TEAD4: variants seen among roughly 807,000 people sequenced by gnomAD.
The protein encoded by TEAD4 is TEA domain transcription factor 4.
In TEAD4, 36 loss-of-function variants were observed where a neutral mutation model predicts 52.4. The ratio of observed to expected loss-of-function variants is 0.69; its 90% CI spans 0.53 to 0.91. The LOEUF (loss-of-function observed/expected upper bound fraction) is 0.91. Among genes scored for constraint, TEAD4 ranks in the 40% least tolerant of loss-of-function variants. The pLI is 0.00. For synonymous variants in TEAD4, 220 were observed against 231.0 expected (o/e 0.95, Z 0.43); for missense variants, 508 against 583.9 (o/e 0.87, Z 1.34).
chr12:2,994,182 C>T lies in TEAD4; in HGVS notation c.-29-556C>T, dbSNP rs991796727. On this transcript the variant is annotated intron_variant, in intron 2 of 12. Coordinates refer to ENST00000359864, the MANE Select transcript of TEAD4 (RefSeq NM_003213.4). The surrounding 1 kb of genome is among the most constrained non-coding windows in gnomAD (Gnocchi z 4.7). ...CTCTGCTTCTCGGATTCAAGCGATT[C>T]TCCTTGTCTGAGCCTCCCGAGTAGC... 2.4e-4 allele frequency among the ~76,000 whole-genome samples: 36 copies of T among 152,146 alleles called. No homozygotes were observed. The highest frequency in any genetic ancestry group is 2.9e-5 in the Non-Finnish European group (2 of 68,028).
chr12:3,024,211 A>C (rs984295972), intron 10 of TEAD4, among the ~76,000 whole-genome samples: 2 of 151,994 alleles, frequency 1.3e-5, no homozygotes, highest in African/African-American at 4.8e-5. Flanking sequence ...AGTAGCTGGG[A>C]CTACAGGCAC....
chr12:2,964,258 C>A (rs2153952116), intron 2 of TEAD4, among the ~76,000 whole-genome samples: 1 of 152,340 alleles, frequency 6.6e-6, no homozygotes, highest in Non-Finnish European at 1.5e-5. Context: ...TCTTCCCCTT[C>A]CCCTCAAGCC....
intron 2 of TEAD4, among the ~76,000 whole-genome samples, chr12:2,978,336 C>G (rs974669893): frequency 6.6e-6 from 1 of 151,780 alleles, no homozygotes; most frequent in Non-Finnish European, 1.5e-5. Context: ...TTTTCATCTT[C>G]CGAAACTGAA....
At chr12:3,029,697 G>A (rs1184087723) in intron 10 of TEAD4, among the ~76,000 whole-genome samples, 1 of 152,068 alleles carries the variant, frequency 6.6e-6, no homozygotes, top group Non-Finnish European at 1.5e-5. Flanking sequence ...CACATTCCTA[G>A]TAGTGTCCTT....
In TEAD4 at chr12:2,994,200, C is replaced by T. The variant is rs774314201; in HGVS notation, c.-29-538C>T. Among the ~76,000 whole-genome samples the T allele has an allele frequency of 6.6e-6, 1 of 152,000 alleles. No individual in the cohort carries two copies. Among genetic ancestry groups the T allele is most frequent in the Non-Finnish European group, 1.5e-5 (1 of 67,996 alleles). ...AGCGATTCTCCTTGTCTGAGCCTCCCGAGTAGCTGTGATTACAGGTGCCCG... is the reference window on the plus strand; with the variant it reads ...AGCGATTCTCCTTGTCTGAGCCTCCTGAGTAGCTGTGATTACAGGTGCCCG... On this transcript the variant is annotated intron_variant, in intron 2 of 12. Coordinates refer to ENST00000359864, the MANE Select transcript of TEAD4 (RefSeq NM_003213.4). The surrounding 1 kb of genome is among the most constrained non-coding windows in gnomAD (Gnocchi z 4.7).
chr12:2,965,264 A>G (rs760868148), intron 2 of TEAD4, among the ~76,000 whole-genome samples: 9 of 151,898 alleles, frequency 5.9e-5, no homozygotes, highest in Non-Finnish European at 1.2e-4. Flanking sequence ...GGCTCAAGCA[A>G]TCCTCATTGC....
At position 3,022,022 on chromosome 12, in the gene TEAD4, G is replaced by A. The variant is rs1461391642; in HGVS notation, c.897+5G>A. 2 of 1,613,882 alleles carry A rather than the reference G, an allele frequency of 1.2e-6. No homozygotes were observed. Among genetic ancestry groups the A allele is most frequent in the Admixed American group, 1.7e-5 (1 of 60,012 alleles). ...TTTTTTCTTGTGAAGTTCTGGGTAA[G>A]CCTGTGATAACCCCTTCTTTCCTGC... is the stretch of plus-strand genomic sequence containing the variant. On this transcript the variant is annotated splice_donor_5th_base_variant and intron_variant, in intron 10 of 12. Coordinates refer to ENST00000359864, the MANE Select transcript of TEAD4 (RefSeq NM_003213.4).
intron 5 of TEAD4, among the ~76,000 whole-genome samples, chr12:3,015,995 G>A (rs867772207): frequency 1.3e-5 from 2 of 151,958 alleles, no homozygotes; most frequent in African/African-American, 4.8e-5. Flanking sequence ...GGGCTAATGA[G>A]ATGCTGTCTG....
chr12:3,020,952 C>G (rs2098268294), intron 9 of TEAD4, among the ~76,000 whole-genome samples, 179 bp downstream of exon 9: 1 of 152,164 alleles, frequency 6.6e-6, no homozygotes, highest in Non-Finnish European at 1.5e-5. Context: ...CCCCTCTTCC[C>G]TCTTTCCCTC....
At chr12:2,993,840 G>A (rs534059490) in intron 2 of TEAD4, among the ~76,000 whole-genome samples, 1 of 152,240 alleles carries the variant, frequency 6.6e-6, no homozygotes, top group Admixed American at 6.5e-5. Context: ...TTTTGTAACT[G>A]GCGTGTTTCA....
intron 2 of TEAD4, among the ~76,000 whole-genome samples, chr12:2,970,617 G>A (rs897095185): frequency 6.6e-6 from 1 of 152,190 alleles, no homozygotes; most frequent in South Asian, 2.1e-4. Flanking sequence ...GATAGTCCAC[G>A]TTTGTACTGT....
Position 3,006,152 on chromosome 12 carries a change from G to A in TEAD4, c.227-4852G>A, listed in dbSNP as rs185577774. Among the ~76,000 whole-genome samples the A allele has an allele frequency of 3.3e-5, 5 of 152,230 alleles. No individual in the cohort carries two copies. The East Asian group carries it at 9.7e-4, about 29-fold the overall frequency. ...CATCACTTTGTACCCCATAAATACA[G>A]GTTGAGCATCCCAAATCTGAAAATT... On this transcript the variant is annotated intron_variant, in intron 3 of 12. Transcript: ENST00000359864.
intron 10 of TEAD4, among the ~76,000 whole-genome samples, chr12:3,032,798 G>T (rs72653445): frequency 6.6e-6 from 1 of 152,198 alleles, no homozygotes; most frequent in East Asian, 1.9e-4. Context: ...TCCCTCCTCC[G>T]CATGTGTGGG....
At position 3,040,513 on chromosome 12, in the gene TEAD4, G is replaced by A. The variant is rs1164132826; in HGVS notation, c.*35G>A. ...GGAGCAGGGAGGGGGGAAGAGACGT[G>A]TGTGCAGGAAACGGGGACGTGGGGA... On this transcript the variant is annotated 3_prime_UTR_variant, in exon 13 of 13. Coordinates refer to ENST00000359864, the MANE Select transcript of TEAD4 (RefSeq NM_003213.4). The A allele has an allele frequency of 5.6e-6, 9 of 1,598,148 alleles. No individual in the cohort carries two copies. Among genetic ancestry groups the A allele is most frequent in the Non-Finnish European group, 6.9e-6 (8 of 1,167,194 alleles).
At chr12:2,997,805 C>CGGGG (rs61027088) in intron 3 of TEAD4, among the ~76,000 whole-genome samples, 1 of 121,258 alleles carries the variant, frequency 8.2e-6, no homozygotes, top group African/African-American at 3.0e-5. Flanking sequence ...CTTGCTTTTT[C>CGGGG]GGGGGGGGGG....
intron 10 of TEAD4, among the ~76,000 whole-genome samples, chr12:3,034,398 A>C: frequency 6.6e-6 from 1 of 152,122 alleles, no homozygotes; most frequent in Admixed American, 6.5e-5. Context: ...CACCCTACTA[A>C]GGCCCTGGGA....
In TEAD4 at chr12:3,012,506, G is replaced by A. The variant is rs535947374; in HGVS notation, c.354+274G>A. Among the ~76,000 whole-genome samples, 12 of 152,282 alleles carry A rather than the reference G, an allele frequency of 7.9e-5. No individual in the cohort carries two copies. The South Asian group carries it at 2.3e-3, about 29-fold the overall frequency. ...TGCTTAGAGGGGCTCACACGGCTCA[G>A]AGCAGCCGGATCACCCACCAGCCCT... On this transcript the variant is annotated intron_variant, in intron 5 of 12. Transcript: ENST00000359864.
At chr12:3,033,458 G>A (rs1049896941) in intron 10 of TEAD4, among the ~76,000 whole-genome samples, 38 of 152,312 alleles carry the variant, frequency 2.5e-4, no homozygotes, top group African/African-American at 8.9e-4. Context: ...GGGGCCTTTG[G>A]TGGCCATTAA....
In TEAD4 at chr12:3,020,668, C is replaced by T. The variant is rs1431611906; in HGVS notation, c.618C>T (p.Pro206=). The T allele has an allele frequency of 1.2e-6, 2 of 1,602,916 alleles. No individual in the cohort carries two copies. Among genetic ancestry groups the T allele is most frequent in the East Asian group, 2.3e-5 (1 of 44,296 alleles). The change falls in exon 9 of 13, where the codon CCC becomes CCT. Residue 206 remains proline, a synonymous_variant. Transcript: ENST00000359864. ...CTCCTGCAGGGCCCGCCCCATCGCCCTCTGCGCCCCCGGCACCCCCATGGC... is the reference window on the plus strand; with the variant it reads ...CTCCTGCAGGGCCCGCCCCATCGCCTTCTGCGCCCCCGGCACCCCCATGGC...
Sources: gnomAD v4.1 joint callset for allele counts (sites outside exome capture counted in the v4.1 genomes callset) on GRCh38, gnomAD v4.1.1 for gene constraint, Gnocchi (gnomAD v3.1) non-coding constraint, MANE v1.5 for transcripts, NCBI Gene and HGNC (gene_info 2026-07-23, HGNC 2026-07-21) for gene names.